CFAP77: variants seen among roughly 807,000 people sequenced by gnomAD.
The protein encoded by CFAP77 is cilia and flagella associated protein 77, also known as cilia- and flagella-associated protein 77.
Under a neutral mutation model 31.1 loss-of-function variants are expected in CFAP77, and 25 were observed. The ratio of observed to expected loss-of-function variants is 0.80; its 90% CI spans 0.59 to 1.12. The LOEUF is 1.12. CFAP77 is among the 50% of genes most tolerant of loss of function. The probability of loss-of-function intolerance (pLI) is 0.00; values close to 1 mark genes in which losing one functional copy is unlikely to be tolerated. For synonymous variants in CFAP77, 151 were observed against 159.9 expected, an observed-to-expected ratio of 0.94 and a Z score of 0.42; for missense variants, 377 against 397.3, an observed-to-expected ratio of 0.95 and a Z score of 0.44.
chr9:132,541,362 T>G (rs1852637480), intron 4 of CFAP77, among the ~76,000 whole-genome samples: 1 of 152,172 alleles, frequency 6.6e-6, no homozygotes, highest in South Asian at 2.1e-4. Flanking sequence ...TGCCTCTAAT[T>G]CCGAAGCCTG....
chr9:132,536,590 C>T (rs182650080), intron 3 of CFAP77, among the ~76,000 whole-genome samples: 30 of 152,260 alleles, frequency 2.0e-4, no homozygotes, highest in African/African-American at 7.2e-4. Flanking sequence ...GACAGGGCTT[C>T]ACCATGTTGG....
At chr9:132,489,712 G>T (rs548690653) in intron 1 of CFAP77, among the ~76,000 whole-genome samples, 12 of 152,260 alleles carry the variant, frequency 7.9e-5, no homozygotes, top group Admixed American at 5.2e-4. Context: ...GCCAGGCCAC[G>T]CCAGCTGTCC....
intron 1 of CFAP77, among the ~76,000 whole-genome samples, chr9:132,461,585 GAT>G (rs1173395003): frequency 2.0e-5 from 3 of 152,162 alleles, no homozygotes; most frequent in South Asian, 4.1e-4. Flanking sequence ...ATGTCTTCAT[GAT>G]CATTCAGCAA....
Position 132,481,234 on chromosome 9 carries a change from C to T in CFAP77, c.196-17461C>T, listed in dbSNP as rs1262184398. On this transcript the variant is annotated intron_variant, in intron 1 of 5. Coordinates refer to ENST00000393216, the MANE Select transcript of CFAP77 (RefSeq NM_001282957.2). This position sits in a 1 kb window ranked among gnomAD's most constrained non-coding sequence, Gnocchi z 5.0. The stretch of plus-strand genomic sequence containing the variant: ...CAAGACTCCCTGCCGCGCTGCTAGA[C>T]GCTTCAGCCCTGTCTCCCCCAGAGC... Among the ~76,000 whole-genome samples the T allele has an allele frequency of 1.3e-5, 2 of 152,256 alleles. No individual in the cohort carries two copies. Among genetic ancestry groups the T allele is most frequent in the South Asian group, 2.1e-4 (1 of 4,826 alleles).
intron 1 of CFAP77, among the ~76,000 whole-genome samples, chr9:132,420,350 T>A (rs1013740948): frequency 2.0e-5 from 3 of 151,670 alleles, no homozygotes; most frequent in African/African-American, 7.3e-5. Flanking sequence ...CAAAGGCACA[T>A]CACCTGGAAT....
intron 1 of CFAP77, among the ~76,000 whole-genome samples, chr9:132,491,914 A>G (rs879551741): frequency 2.6e-5 from 4 of 152,214 alleles, no homozygotes; most frequent in Admixed American, 1.3e-4. Context: ...CCAAAAACAT[A>G]TTGATGATGT....
chr9:132,502,266 T>TATA (rs10677952), intron 3 of CFAP77, among the ~76,000 whole-genome samples: 38 of 56,648 alleles, frequency 6.7e-4, no homozygotes, highest in African/African-American at 3.2e-3. Flanking sequence ...TATATATATA[T>TATA]TTTTTTTTTT....
At chr9:132,561,648 CACACACACACACA>C (rs1829810274) in intron 5 of CFAP77, among the ~76,000 whole-genome samples, 1 of 106,056 alleles carries the variant, frequency 9.4e-6, no homozygotes, top group African/African-American at 7.6e-5. Flanking sequence ...CACACACACA[CACACACACACACA>C]CCCCCTCCAT....
chr9:132,486,267 T>C (rs968847208), intron 1 of CFAP77, among the ~76,000 whole-genome samples: 2 of 149,978 alleles, frequency 1.3e-5, no homozygotes, highest in Admixed American at 6.6e-5. Flanking sequence ...TAATTTTTTG[T>C]ATTTTTAATA....
intron 1 of CFAP77, among the ~76,000 whole-genome samples, chr9:132,459,104 C>T (rs1850983066): frequency 6.7e-6 from 1 of 149,922 alleles, no homozygotes; most frequent in South Asian, 2.1e-4. Context: ...CAGAGTCTCG[C>T]TCTGTTGCCC....
At chr9:132,470,613 A>G (rs973188891) in intron 1 of CFAP77, among the ~76,000 whole-genome samples, 5 of 152,216 alleles carry the variant, frequency 3.3e-5, no homozygotes, top group Admixed American at 6.5e-5. Flanking sequence ...AGTGCGTCCA[A>G]TGCTTGGAAT....
At chr9:132,513,449 C>G in intron 3 of CFAP77, 2 of 1,381,292 alleles carry the variant, frequency 1.4e-6, no homozygotes, top group Non-Finnish European at 1.9e-6. Context: ...AGCCCCTCCC[C>G]GTCTTCCCTG....
At chr9:132,532,138 A>G (rs1852463900) in intron 3 of CFAP77, among the ~76,000 whole-genome samples, 1 of 152,254 alleles carries the variant, frequency 6.6e-6, no homozygotes, top group Non-Finnish European at 1.5e-5. Flanking sequence ...TTGTAGCAGC[A>G]CCACAGGCTG....
At chr9:132,563,098 C>T (rs186756637) in intron 5 of CFAP77, among the ~76,000 whole-genome samples, 15 of 152,136 alleles carry the variant, frequency 9.9e-5, no homozygotes, top group South Asian at 4.2e-4. Context: ...TGGCTCACTG[C>T]GGCCTCCACC....
At chr9:132,427,799 T>C (rs1241216866) in intron 1 of CFAP77, among the ~76,000 whole-genome samples, 3 of 152,180 alleles carry the variant, frequency 2.0e-5, no homozygotes, top group Admixed American at 2.0e-4. Flanking sequence ...AAATTTCCTC[T>C]TTTTATAGGG....
chr9:132,465,073 C>CAAAAAAAAAAAAAAAA (rs773917029), intron 1 of CFAP77, among the ~76,000 whole-genome samples: 17 of 82,768 alleles, frequency 2.1e-4, no homozygotes, highest in African/African-American at 2.8e-4. Context: ...GACTCTGTCT[C>CAAAAAAAAAAAAAAAA]AAAAAAAAAA....
Position 132,499,648 on chromosome 9 carries a change from AC to A in CFAP77, c.524+50del. On this transcript the variant is annotated intron_variant, in intron 3 of 5. Transcript: ENST00000393216. This position sits in a 1 kb window ranked among gnomAD's most constrained non-coding sequence, Gnocchi z 5.4. ...CTTCATCCCTTGAGGGGGTGGAGGTACCAGCTCAATCAGGGACAAGGTCGGA... is the reference window on the plus strand; with the variant it reads ...CTTCATCCCTTGAGGGGGTGGAGGTACAGCTCAATCAGGGACAAGGTCGGA... 1 of 1,559,698 alleles carries A rather than the reference AC, an allele frequency of 6.4e-7. No homozygotes were observed. Among genetic ancestry groups the A allele is most frequent in the Non-Finnish European group, 8.8e-7 (1 of 1,131,322 alleles).
intron 4 of CFAP77, among the ~76,000 whole-genome samples, chr9:132,540,236 T>C (rs554398704): frequency 6.6e-6 from 1 of 152,256 alleles, no homozygotes; most frequent in South Asian, 2.1e-4. Context: ...GGCTTAGAGC[T>C]GGGAGTTTTA....
chr9:132,459,421 G>A (rs1174270374), intron 1 of CFAP77, among the ~76,000 whole-genome samples: 1 of 53,656 alleles, frequency 1.9e-5, no homozygotes, highest in Non-Finnish European at 3.6e-5. Flanking sequence ...GATGAATAGG[G>A]TGTGTGTGTG....
Sources: gnomAD v4.1 joint callset for allele counts (sites outside exome capture counted in the v4.1 genomes callset) on GRCh38, gnomAD v4.1.1 for gene constraint, Gnocchi (gnomAD v3.1) non-coding constraint, MANE v1.5 for transcripts, NCBI Gene and HGNC (gene_info 2026-07-23, HGNC 2026-07-21) for gene names.